Variants in GREB1 observed in about 807,000 individuals in gnomAD.
The protein encoded by GREB1 is protein GREB1.
Under a neutral mutation model 200.7 loss-of-function variants are expected in GREB1, and 106 were observed. The ratio of observed to expected loss-of-function variants is 0.53; its 90% CI spans 0.45 to 0.62. The LOEUF (loss-of-function observed/expected upper bound fraction) is 0.62. Among genes scored for constraint, GREB1 ranks in the 20% least tolerant of loss-of-function variants. The pLI is 0.00. For missense variants in GREB1, 2,243 were observed against 2,556.8 expected (o/e 0.88, Z 2.65); for synonymous variants, 1,132 against 1,092.4 (o/e 1.04, Z -0.72).
intron 1 of GREB1, among the ~76,000 whole-genome samples, chr2:11,553,006 T>C (rs1473941615): frequency 8.0e-5 from 7 of 87,634 alleles, no homozygotes; most frequent in Admixed American, 6.3e-4. Context: ...CGAAACTCCG[T>C]CTCAAAAAAA....
intron 1 of GREB1, among the ~76,000 whole-genome samples, chr2:11,512,321 A>G (rs1673373441): frequency 6.6e-6 from 1 of 152,258 alleles, no homozygotes; most frequent in African/African-American, 2.4e-5. Context: ...GAGAGAAATT[A>G]TAATTCTTAT....
chr2:11,486,088 A>T (rs552096879), intron 1 of GREB1, among the ~76,000 whole-genome samples: 1 of 152,256 alleles, frequency 6.6e-6, no homozygotes, highest in Admixed American at 6.5e-5. Flanking sequence ...CTTGGAAAGG[A>T]AGCAGTTAGG....
In GREB1 at chr2:11,600,964, A is replaced by G. The variant is rs770235268; in HGVS notation, c.2498A>G (p.Asn833Ser). Reference protein sequence around the residue: ...QTQHTLISPYNEIHWPASCSN... With the variant: ...QTQHTLISPYSEIHWPASCSN... ...CAGCACACCCTCATCAGCCCCTACA[A>G]CGAGATCCACTGGCCTGCCTCCTGC... is the stretch of plus-strand genomic sequence containing the variant. The change falls in exon 16 of 33, where the codon AAC becomes AGC. Residue 833 changes from asparagine to serine, a missense_variant. Coordinates refer to ENST00000381486, the MANE Select transcript of GREB1 (RefSeq NM_014668.4). 3 of 1,613,064 alleles carry G rather than the reference A, an allele frequency of 1.9e-6. No individual in the cohort carries two copies. The highest frequency in any genetic ancestry group is 2.5e-6 in the Non-Finnish European group (3 of 1,179,294).
At chr2:11,514,565 G>A (rs1673435625) in intron 1 of GREB1, among the ~76,000 whole-genome samples, 1 of 152,206 alleles carries the variant, frequency 6.6e-6, no homozygotes, top group Non-Finnish European at 1.5e-5. Context: ...AAGAGGAGGG[G>A]TGTTGATTAC....
At chr2:11,594,713 GAC>G (rs1292035482) in intron 11 of GREB1, among the ~76,000 whole-genome samples, 6 of 151,610 alleles carry the variant, frequency 4.0e-5, no homozygotes. Flanking sequence ...TTGTTTTTGA[GAC>G]AGAGTCTCGC....
intron 2 of GREB1, among the ~76,000 whole-genome samples, chr2:11,559,668 C>T (rs1023664338): frequency 1.1e-4 from 16 of 152,178 alleles, no homozygotes; most frequent in African/African-American, 3.6e-4. Flanking sequence ...AGACCAGAGT[C>T]GATTTTGCAG....
intron 1 of GREB1, among the ~76,000 whole-genome samples, chr2:11,497,138 C>T (rs1386803860): frequency 1.3e-5 from 2 of 152,136 alleles, no homozygotes; most frequent in Admixed American, 6.5e-5. Flanking sequence ...TCTTTCCCAC[C>T]CCTGGCAATT....
At chr2:11,523,627 A>G (rs1009355172) in intron 1 of GREB1, among the ~76,000 whole-genome samples, 3 of 152,158 alleles carry the variant, frequency 2.0e-5, no homozygotes, top group African/African-American at 7.2e-5. Flanking sequence ...TTTTGGATAG[A>G]TGTCTGGTAT....
Position 11,640,375 on chromosome 2 carries a change from T to G in GREB1, c.5771T>G (p.Phe1924Cys), listed in dbSNP as rs776121821. The G allele has an allele frequency of 1.2e-6, 2 of 1,614,216 alleles. No homozygotes were observed. Among genetic ancestry groups the G allele is most frequent in the Non-Finnish European group, 8.5e-7 (1 of 1,180,044 alleles). ...VRLELEDEWQFRLRDEFQTAN... is the reference protein window; with the variant it reads ...VRLELEDEWQCRLRDEFQTAN... The stretch of plus-strand genomic sequence containing the variant: ...CTGGAGCTCGAGGACGAGTGGCAGT[T>G]CCGGCTGCGCGATGAGTTCCAGACC... Residue 1924 changes from phenylalanine (F) to cysteine (C), a missense_variant, in exon 33 of 33, where the codon TTC becomes TGC. By Grantham distance (205) the Phe-to-Cys change is radical. Coordinates refer to ENST00000381486, the MANE Select transcript of GREB1 (RefSeq NM_014668.4). The surrounding 1 kb of genome is among the most constrained non-coding windows in gnomAD (Gnocchi z 4.6).
intron 15 of GREB1, among the ~76,000 whole-genome samples, chr2:11,599,735 TG>T (rs1383312726): frequency 6.6e-6 from 1 of 152,148 alleles, no homozygotes; most frequent in Non-Finnish European, 1.5e-5. Flanking sequence ...TTAGCCAGGA[TG>T]GTCTCGATCT....
chr2:11,514,952 C>T (rs1344904323), intron 1 of GREB1, among the ~76,000 whole-genome samples: 1 of 152,156 alleles, frequency 6.6e-6, no homozygotes, highest in Non-Finnish European at 1.5e-5. Flanking sequence ...CCCATCTCTT[C>T]CTCCACTATC....
At position 11,578,281 on chromosome 2, in the gene GREB1, C is replaced by T. The variant is rs1242445108; in HGVS notation, c.638-16C>T. 1 of 1,606,634 alleles carries T rather than the reference C, an allele frequency of 6.2e-7. No homozygotes were observed. Among genetic ancestry groups the T allele is most frequent in the South Asian group, 1.1e-5 (1 of 90,722 alleles). Reference sequence around the variant, plus strand: ...AAGAGCGAGTTGGTTTTCACGTGTGCACCTTGCCCCCTTAGAGTTTAGAAG... The same window carrying T: ...AAGAGCGAGTTGGTTTTCACGTGTGTACCTTGCCCCCTTAGAGTTTAGAAG... On this transcript the variant is annotated splice_polypyrimidine_tract_variant and intron_variant, in intron 5 of 32. Transcript: ENST00000381486.
upstream of GREB1, among the ~76,000 whole-genome samples, chr2:11,533,801 C>T (rs1424704842): frequency 4.6e-5 from 7 of 152,160 alleles, no homozygotes; most frequent in African/African-American, 1.7e-4. Flanking sequence ...CCATGCTCTC[C>T]CGCCATGTTC....
chr2:11,595,473 C>T, intron 12 of GREB1, 94 bp downstream of exon 12: 1 of 1,313,674 alleles, frequency 7.6e-7, no homozygotes, highest in Non-Finnish European at 1.1e-6. Flanking sequence ...TGCCTGTGAC[C>T]TGCTAAGGCT....
chr2:11,578,335 A>T lies in GREB1; in HGVS notation c.676A>T (p.Ser226Cys). Residue 226 changes from serine to cysteine, a missense_variant, in exon 6 of 33, where the codon AGT becomes TGT. Transcript: ENST00000381486. Reference protein sequence around the residue: ...SRQIPASTCSSSLFPALESTA... With the variant: ...SRQIPASTCSCSLFPALESTA... ...GCAGATCCCCGCCAGTACTTGTTCC[A>T]GTTCCCTCTTCCCAGCCCTGGAGAG... 6.2e-7 allele frequency: 1 copy of T among 1,614,126 alleles called. No individual in the cohort carries two copies. The highest frequency in any genetic ancestry group is 8.5e-7 in the Non-Finnish European group (1 of 1,180,010).
intron 19 of GREB1, among the ~76,000 whole-genome samples, chr2:11,613,895 T>C (rs1407117525): frequency 6.6e-6 from 1 of 152,166 alleles, no homozygotes. Flanking sequence ...AGAGCCCCAC[T>C]GGAACCCTCA....
rs185728970 is a variant in GREB1 at position 11,502,109 on chromosome 2, G to A, written c.-159+19728G>A. On this transcript the variant is annotated intron_variant, in intron 1 of 2. Transcript: ENST00000628795. ...TTTTTGTATTATTAGTAGAGACGGCGTTTCACCATGTTGGCCAGGCTGGTC... is the reference window on the plus strand; with the variant it reads ...TTTTTGTATTATTAGTAGAGACGGCATTTCACCATGTTGGCCAGGCTGGTC... Among the ~76,000 whole-genome samples, 1,418 of 150,446 alleles carry A rather than the reference G, an allele frequency of 9.4e-3. 17 individuals are homozygous for A. Among genetic ancestry groups the A allele is most frequent in the Non-Finnish European group, 0.014 (950 of 67,628 alleles).
chr2:11,606,096 A>G (rs1682263241), intron 17 of GREB1, among the ~76,000 whole-genome samples: 1 of 152,218 alleles, frequency 6.6e-6, no homozygotes, highest in South Asian at 2.1e-4. Flanking sequence ...TCCCCGCCAT[A>G]CCAAAATCCA....
chr2:11,519,808 A>T (rs1673644899), intron 1 of GREB1, among the ~76,000 whole-genome samples: 1 of 152,122 alleles, frequency 6.6e-6, no homozygotes, highest in South Asian at 2.1e-4. Context: ...AAGTTCTGTG[A>T]GAACATGAAG....
Sources: allele counts gnomAD v4.1 joint callset (sites outside exome capture counted in the v4.1 genomes callset), GRCh38; gene constraint gnomAD v4.1.1; non-coding constraint Gnocchi (gnomAD v3.1); transcripts MANE v1.5; gene names NCBI Gene and HGNC (gene_info 2026-07-23, HGNC 2026-07-21).